Variants in PCDHA9 observed in about 807,000 individuals in gnomAD.
PCDHA9 encodes the protein protocadherin alpha-9.
A neutral mutation model predicts 62.0 loss-of-function variants in PCDHA9; 62 were observed. The observed-to-expected ratio is 1.00, with a 90% CI of 0.81 to 1.23. PCDHA9 has a LOEUF of 1.23. Ranked by LOEUF, PCDHA9 falls within the 50% of genes most tolerant of loss-of-function variation. PCDHA9 has a pLI of 0.00. For synonymous variants in PCDHA9, 557 were observed against 567.6 expected (o/e 0.98, Z 0.27); for missense variants, 1,205 against 1,249.8 (o/e 0.96, Z 0.54).
intron 1 of PCDHA9, among the ~76,000 whole-genome samples, chr5:140,910,535 T>G (rs2153515129): frequency 6.6e-6 from 1 of 152,274 alleles, no homozygotes; most frequent in African/African-American, 2.4e-5. Flanking sequence ...CCCTCACAAA[T>G]CTATTTTGCA....
intron 1 of PCDHA9, chr5:140,864,514 A>ATTTTACTTCTTAATT (rs2048501242): frequency 6.6e-6 from 1 of 152,082 alleles, no homozygotes; most frequent in African/African-American, 2.4e-5. Context: ...TTTAAAGGTG[A>ATTTTACTTCTTAATT]TTTTACTTCT....
At chr5:140,926,771 A>C (rs2083548742) in intron 1 of PCDHA9, 11 of 1,372,492 alleles carry the variant, frequency 8.0e-6, no homozygotes, top group Non-Finnish European at 1.0e-5. Context: ...TCCAGCCCGC[A>C]GCAGTGACGG....
chr5:140,901,177 G>T (rs2068485979), intron 1 of PCDHA9, among the ~76,000 whole-genome samples: 1 of 152,034 alleles, frequency 6.6e-6, no homozygotes, highest in African/African-American at 2.4e-5. Flanking sequence ...TCACTTTGTT[G>T]ATTGTTTGCT....
chr5:140,969,536 C>A, intron 1 of PCDHA9: 1 of 1,332,634 alleles, frequency 7.5e-7, no homozygotes, highest in South Asian at 1.6e-5. Flanking sequence ...TTTTCATTTT[C>A]AGAGGCATGA....
intron 1 of PCDHA9, among the ~76,000 whole-genome samples, chr5:140,904,820 A>C (rs2071403823): frequency 6.6e-6 from 1 of 152,014 alleles, no homozygotes; most frequent in African/African-American, 2.4e-5. Flanking sequence ...GATGTTGAGC[A>C]TTTTTTTATA....
At chr5:140,884,075 T>C (rs2059980601) in intron 1 of PCDHA9, 1 of 1,613,342 alleles carries the variant, frequency 6.2e-7, no homozygotes, top group South Asian at 1.1e-5. Context: ...CGATTCGGGC[T>C]ACAATGCGTG....
At chr5:140,951,326 T>C (rs2094571744) in intron 1 of PCDHA9, among the ~76,000 whole-genome samples, 1 of 152,158 alleles carries the variant, frequency 6.6e-6, no homozygotes, top group Admixed American at 6.5e-5. Context: ...TTGAGATTCA[T>C]CATTCTGTTT....
intron 1 of PCDHA9, chr5:140,929,147 A>G (rs1247156816): frequency 6.2e-7 from 1 of 1,614,062 alleles, no homozygotes; most frequent in Non-Finnish European, 8.5e-7. Flanking sequence ...AGACTTTCTC[A>G]GACTTATCTC....
At chr5:140,957,781 TTCA>T (rs2095383587) in intron 1 of PCDHA9, among the ~76,000 whole-genome samples, 1 of 152,072 alleles carries the variant, frequency 6.6e-6, no homozygotes, top group African/African-American at 2.4e-5. Context: ...AAAAACTAAG[TTCA>T]TCATATATGT....
intron 1 of PCDHA9, chr5:140,882,955 C>G (rs1554176243): frequency 6.2e-7 from 1 of 1,614,178 alleles, no homozygotes; most frequent in Admixed American, 1.7e-5. Context: ...TTCAGCTGCT[C>G]ATCACGATTC....
At chr5:140,873,590 A>C (rs1188968124) in intron 1 of PCDHA9, among the ~76,000 whole-genome samples, 2 of 152,202 alleles carry the variant, frequency 1.3e-5, no homozygotes, top group Non-Finnish European at 2.9e-5. Flanking sequence ...ATTAAGCTAA[A>C]CTTAGATGTT....
chr5:140,882,002 G>A (rs2153382146), intron 1 of PCDHA9: 1 of 489,088 alleles, frequency 2.0e-6, no homozygotes, highest in South Asian at 5.2e-5. Context: ...AAATGCAAGG[G>A]GCAAAAAAAT....
chr5:140,896,764 G>C (rs2153454405), intron 1 of PCDHA9, among the ~76,000 whole-genome samples: 1 of 152,136 alleles, frequency 6.6e-6, no homozygotes, highest in East Asian at 1.9e-4. Context: ...GACCTTTGTT[G>C]GATGCATAGT....
At chr5:140,896,823 T>C (rs1248229696) in intron 1 of PCDHA9, among the ~76,000 whole-genome samples, 1 of 152,230 alleles carries the variant, frequency 6.6e-6, no homozygotes, top group Non-Finnish European at 1.5e-5. Context: ...ACTCTGTTCA[T>C]AGTTGTTTTT....
intron 1 of PCDHA9, chr5:140,869,751 C>G: frequency 1.2e-6 from 2 of 1,613,134 alleles, no homozygotes. Flanking sequence ...CAGCTACAGA[C>G]GGGGGAAAAC....
intron 1 of PCDHA9, among the ~76,000 whole-genome samples, chr5:140,953,733 TG>T (rs1449457533): frequency 2.6e-5 from 4 of 152,200 alleles, no homozygotes; most frequent in Admixed American, 6.5e-5. Context: ...TTGAAATTTT[TG>T]CTTAACATTA....
At chr5:140,877,696 T>C (rs1554169994) in intron 1 of PCDHA9, 1 of 1,613,838 alleles carries the variant, frequency 6.2e-7, no homozygotes, top group South Asian at 1.1e-5. Flanking sequence ...GCTGGTGTGC[T>C]CCAGCGCCGT....
intron 1 of PCDHA9, among the ~76,000 whole-genome samples, chr5:140,972,039 C>A (rs1274808907): frequency 2.6e-5 from 4 of 152,150 alleles, no homozygotes; most frequent in African/African-American, 9.7e-5. Context: ...TTTAAGCTAT[C>A]ACTAATTCAC....
intron 1 of PCDHA9, among the ~76,000 whole-genome samples, chr5:140,919,122 T>G (rs879989359): frequency 6.6e-6 from 1 of 152,224 alleles, no homozygotes; most frequent in African/African-American, 2.4e-5. Context: ...AGTTTTTGCT[T>G]CATGTGTTTT....
Sources: gnomAD v4.1 joint callset for allele counts (sites outside exome capture counted in the v4.1 genomes callset) on GRCh38, gnomAD v4.1.1 for gene constraint, MANE v1.5 for transcripts, NCBI Gene and HGNC (gene_info 2026-07-23, HGNC 2026-07-21) for gene names.